PLXNA2: variants seen among roughly 807,000 people sequenced by gnomAD.
PLXNA2 encodes plexin A2, also known as plexin-A2.
A neutral mutation model predicts 193.5 loss-of-function variants in PLXNA2; 91 were observed. The observed-to-expected ratio is 0.47, with a 90% CI of 0.40 to 0.56. The LOEUF (loss-of-function observed/expected upper bound fraction) is 0.56, where lower values mean the gene tolerates loss of function less well. Among genes scored for constraint, PLXNA2 ranks in the 20% least tolerant of loss-of-function variants. The probability of loss-of-function intolerance (pLI) is 0.00; values close to 1 mark genes in which losing one functional copy is unlikely to be tolerated. For missense variants in PLXNA2, 1,995 were observed against 2,503.2 expected, an observed-to-expected ratio of 0.80 and a Z score of 4.33; for synonymous variants, 997 against 1,027.3, an observed-to-expected ratio of 0.97 and a Z score of 0.56.
chr1:208,125,881 A>G (rs191459994), intron 4 of PLXNA2, among the ~76,000 whole-genome samples: 2 of 152,328 alleles, frequency 1.3e-5, no homozygotes, highest in East Asian at 1.9e-4. Context: ...CAGTTTTACC[A>G]TAAGAGTTAG....
intron 3 of PLXNA2, among the ~76,000 whole-genome samples, chr1:208,201,973 A>ATTTTTTTTTTT (rs59313982): frequency 2.3e-5 from 3 of 132,626 alleles, no homozygotes; most frequent in Non-Finnish European, 1.6e-5. Flanking sequence ...CAGGGCAAGA[A>ATTTTTTTTTTT]TTTTTTTTTT....
At chr1:208,121,775 T>C (rs780667883) in intron 4 of PLXNA2, among the ~76,000 whole-genome samples, 2 of 152,144 alleles carry the variant, frequency 1.3e-5, no homozygotes, top group Non-Finnish European at 2.9e-5. Flanking sequence ...CACACACATA[T>C]GTACTCCATT....
At chr1:208,042,473 C>CT in intron 21 of PLXNA2, 107 bp from the exon 22 acceptor site, 2 of 1,283,258 alleles carry the variant, frequency 1.6e-6, no homozygotes, top group Non-Finnish European at 2.2e-6. Flanking sequence ...CTGTAGGACC[C>CT]TATGTTTGAG....
At chr1:208,140,844 G>T (rs1327742053) in intron 4 of PLXNA2, among the ~76,000 whole-genome samples, 1 of 152,204 alleles carries the variant, frequency 6.6e-6, no homozygotes, top group Non-Finnish European at 1.5e-5. Flanking sequence ...TCTCTCTCTT[G>T]TTAGATTGCA....
At position 208,130,516 on chromosome 1, in the gene PLXNA2, G is replaced by A. The variant is rs1053939928; in HGVS notation, c.1506+11813C>T. Among the ~76,000 whole-genome samples, 4 of 152,142 alleles carry A rather than the reference G, an allele frequency of 2.6e-5. 1 individual carries two copies. Among genetic ancestry groups the A allele is most frequent in the Admixed American group, 2.6e-4 (4 of 15,280 alleles). On this transcript the variant is annotated intron_variant, in intron 4 of 31. Coordinates refer to ENST00000367033, the MANE Select transcript of PLXNA2 (RefSeq NM_025179.4). The stretch of plus-strand genomic sequence containing the variant: ...CATACTCGAACCCAGGTCAGCCTCC[G>A]AGCGCTGTGCACACAGCCTCCATTC...
intron 17 of PLXNA2, among the ~76,000 whole-genome samples, chr1:208,048,759 C>T (rs566686459): frequency 6.6e-6 from 1 of 152,334 alleles, no homozygotes; most frequent in South Asian, 2.1e-4. Flanking sequence ...AGGTCACGTA[C>T]TCACTCTCCA....
Position 208,166,488 on chromosome 1 carries a change from G to A in PLXNA2, c.1372-24025C>T, listed in dbSNP as rs117988544. 3.9e-5 allele frequency among the ~76,000 whole-genome samples: 6 copies of A among 152,362 alleles called. No homozygotes were observed. In the East Asian group the frequency reaches 1.2e-3, roughly 29 times the overall value. On this transcript the variant is annotated intron_variant, in intron 3 of 31. Coordinates refer to ENST00000367033, the MANE Select transcript of PLXNA2 (RefSeq NM_025179.4). Reference sequence around the variant, plus strand: ...GAATGCCTCCTGTGCAAAGTATGGTGCTATGCACAGAATGCTGAGTATGAT... The same window carrying A: ...GAATGCCTCCTGTGCAAAGTATGGTACTATGCACAGAATGCTGAGTATGAT...
chr1:208,210,954 G>A (rs1343167781), intron 2 of PLXNA2, among the ~76,000 whole-genome samples: 5 of 152,132 alleles, frequency 3.3e-5, no homozygotes, highest in Non-Finnish European at 7.4e-5. Flanking sequence ...GAAATTTTAG[G>A]CCATTCAACT....
At chr1:208,142,500 T>C in intron 3 of PLXNA2, 37 bp from the exon 4 acceptor site, 3 of 1,562,130 alleles carry the variant, frequency 1.9e-6, no homozygotes, top group Non-Finnish European at 2.6e-6. Flanking sequence ...GCATCTGCCC[T>C]CAGTATTCCC....
At position 208,060,846 on chromosome 1, in the gene PLXNA2, G is replaced by C. The variant is rs777837594; in HGVS notation, c.2587-9C>G. On this transcript the variant is annotated splice_polypyrimidine_tract_variant and intron_variant, in intron 12 of 31. Transcript: ENST00000367033. ...CCAGACACCGTCAAAATCTGCAGGAGGGAAATGGGATTAGCAATTTGGTTT... is the reference window on the plus strand; with the variant it reads ...CCAGACACCGTCAAAATCTGCAGGACGGAAATGGGATTAGCAATTTGGTTT... 26 of 1,613,242 alleles carry C rather than the reference G, an allele frequency of 1.6e-5. No individual in the cohort carries two copies. Among genetic ancestry groups the C allele is most frequent in the Non-Finnish European group, 2.1e-5 (25 of 1,179,630 alleles).
intron 4 of PLXNA2, among the ~76,000 whole-genome samples, chr1:208,105,111 G>A (rs1475252821): frequency 6.6e-6 from 1 of 152,196 alleles, no homozygotes; most frequent in Non-Finnish European, 1.5e-5. Flanking sequence ...TCAGGTCTCC[G>A]CAGCCTGCCC....
rs1665595765 is a variant in PLXNA2 at position 208,060,821 on chromosome 1, C to T, written c.2603G>A (p.Gly868Glu). 1 of 1,613,850 alleles carries T rather than the reference C, an allele frequency of 6.2e-7. No homozygotes were observed. The highest frequency in any genetic ancestry group is 1.3e-5 in the African/African-American group (1 of 74,902). The change falls in exon 13 of 32, where the codon GGA (glycine) becomes GAA (glutamate). Residue 868 changes from glycine to glutamate, a missense_variant. By Grantham distance (98) the Gly-to-Glu change is moderately conservative. Coordinates refer to ENST00000367033, the MANE Select transcript of PLXNA2 (RefSeq NM_025179.4). ...PQITEILTVS[G>E]PPEGGTRVTI... ...CACTCGCGTCCCTCCTTCCGGCGGT[C>T]CAGACACCGTCAAAATCTGCAGGAG... is the stretch of plus-strand genomic sequence containing the variant.
chr1:208,195,442 A>G (rs887838984), intron 3 of PLXNA2, among the ~76,000 whole-genome samples: 3 of 152,090 alleles, frequency 2.0e-5, no homozygotes, highest in Non-Finnish European at 4.4e-5. Flanking sequence ...TGCTTGTACA[A>G]GACTCCACCA....
At chr1:208,081,239 C>T (rs1273907420) in intron 11 of PLXNA2, among the ~76,000 whole-genome samples, 3 of 152,182 alleles carry the variant, frequency 2.0e-5, no homozygotes, top group Non-Finnish European at 2.9e-5. Flanking sequence ...AAAAATAATC[C>T]TCCTGGCTCC....
At chr1:208,207,316 G>A (rs987170124) in intron 3 of PLXNA2, among the ~76,000 whole-genome samples, 2 of 152,208 alleles carry the variant, frequency 1.3e-5, no homozygotes, top group South Asian at 2.1e-4. Context: ...TCACATACAG[G>A]TTTTGGGGAC....
chr1:208,188,770 G>T (rs1365938517), intron 3 of PLXNA2, among the ~76,000 whole-genome samples: 1 of 151,960 alleles, frequency 6.6e-6, no homozygotes, highest in Non-Finnish European at 1.5e-5. Context: ...AAGCTGCTAT[G>T]AGAACTAAAT....
chr1:208,098,458 T>TCTCTCACA lies in PLXNA2; in HGVS notation c.1731+387_1731+388insTGTGAGAG, dbSNP rs368366958. Among the ~76,000 whole-genome samples, 21 of 123,522 alleles carry TCTCTCACA rather than the reference T, an allele frequency of 1.7e-4. No individual in the cohort carries two copies. The East Asian group carries it at 1.8e-3, about 10-fold the overall frequency. The allele number at this position is 123,522 out of a possible 152,430, so 81.0% of individuals were successfully genotyped here. A position where few individuals can be genotyped will look rare whatever the true frequency, so the allele number is the denominator to read the frequency against. On this transcript the variant is annotated intron_variant, in intron 6 of 31. Transcript: ENST00000367033. ...CTCTCTCTCTCTCTCTCTCTCTCTCTCACACACACACACACACACACACAC... is the reference window on the plus strand; with the variant it reads ...CTCTCTCTCTCTCTCTCTCTCTCTCTCTCTCACACACACACACACACACACACACACAC...
chr1:208,065,267 C>T (rs890753929), intron 12 of PLXNA2, among the ~76,000 whole-genome samples: 2 of 152,142 alleles, frequency 1.3e-5, no homozygotes, highest in African/African-American at 4.8e-5. Flanking sequence ...TGGCTACAGT[C>T]GGATAGGGAA....
chr1:208,107,497 A>G (rs1667307126), intron 4 of PLXNA2, among the ~76,000 whole-genome samples: 2 of 152,118 alleles, frequency 1.3e-5, no homozygotes, highest in South Asian at 4.1e-4. Context: ...TAAAGGACCA[A>G]GTTCAAGCCT....
Sources: gnomAD v4.1 joint callset for allele counts (sites outside exome capture counted in the v4.1 genomes callset) on GRCh38, gnomAD v4.1.1 for gene constraint, MANE v1.5 for transcripts, NCBI Gene and HGNC (gene_info 2026-07-23, HGNC 2026-07-21) for gene names.